The following CPVL variants were observed in gnomAD, a reference collection of about 807,000 sequenced individuals.
The protein encoded by CPVL is carboxypeptidase vitellogenic like.
CPVL carries 51 observed loss-of-function variants against 63.7 expected under a neutral mutation model. The observed-to-expected ratio is 0.80, with a 90% CI of 0.64 to 1.01. The LOEUF (loss-of-function observed/expected upper bound fraction) is 1.01. CPVL is among the 50% of genes least tolerant of loss of function. CPVL has a pLI of 0.00. For missense variants in CPVL, 530 were observed against 573.1 expected (o/e 0.92, Z 0.77); for synonymous variants, 195 against 206.0 (o/e 0.95, Z 0.46).
intron 1 of CPVL, among the ~76,000 whole-genome samples, chr7:29,124,647 C>T (rs999161222): frequency 2.0e-5 from 3 of 151,500 alleles, no homozygotes; most frequent in Non-Finnish European, 4.4e-5. Context: ...TTACTATATA[C>T]CAAAAAGATA....
chr7:29,163,752 G>A (rs1795518397), intron 5 of CPVL, among the ~76,000 whole-genome samples: 1 of 151,978 alleles, frequency 6.6e-6, no homozygotes, highest in Non-Finnish European at 1.5e-5. Flanking sequence ...CTATAGATTA[G>A]CTTGCATTTT....
At chr7:29,190,410 A>ATTT (rs1286362177) in intron 1 of CPVL, among the ~76,000 whole-genome samples, 3 of 152,160 alleles carry the variant, frequency 2.0e-5, no homozygotes, top group African/African-American at 7.2e-5. Flanking sequence ...CTTCACTAAA[A>ATTT]AACACTCCAG....
chr7:29,140,192 C>T (rs940082592), intron 1 of CPVL, among the ~76,000 whole-genome samples: 1 of 152,172 alleles, frequency 6.6e-6, no homozygotes, highest in Non-Finnish European at 1.5e-5. Flanking sequence ...GTAATCCCGG[C>T]ACTTTAGGAG....
chr7:29,028,498 T>C (rs317745), intron 12 of CPVL, among the ~76,000 whole-genome samples: 127,774 of 152,156 alleles, frequency 0.84, 54,353 homozygotes, highest in African/African-American at 0.96. Context: ...AATGGGTCTA[T>C]ATTAAACTAA....
intron 12 of CPVL, among the ~76,000 whole-genome samples, chr7:28,997,580 C>T (rs2128121489): frequency 6.6e-6 from 1 of 152,296 alleles, no homozygotes; most frequent in Middle Eastern, 3.4e-3. Context: ...TTCACATGAG[C>T]ATTGAGATGA....
At chr7:29,142,944 T>C (rs759681279) in intron 1 of CPVL, among the ~76,000 whole-genome samples, 2 of 152,130 alleles carry the variant, frequency 1.3e-5, no homozygotes, top group Non-Finnish European at 2.9e-5. Context: ...CTCCATTCTA[T>C]CCACAGTTCA....
intron 5 of CPVL, among the ~76,000 whole-genome samples, chr7:29,176,792 G>C (rs1480572675): frequency 1.3e-5 from 2 of 152,156 alleles, no homozygotes; most frequent in African/African-American, 4.8e-5. Context: ...TGAAATACTA[G>C]AAGGAAGAGC....
intron 3 of CPVL, among the ~76,000 whole-genome samples, chr7:29,104,448 A>G (rs1177687779): frequency 6.6e-6 from 1 of 152,070 alleles, no homozygotes; most frequent in Non-Finnish European, 1.5e-5. Context: ...TTTATTAGAG[A>G]CGGGGTTGCA....
intron 1 of CPVL, among the ~76,000 whole-genome samples, chr7:29,127,300 A>G (rs1790135792): frequency 6.6e-6 from 1 of 152,222 alleles, no homozygotes; most frequent in Non-Finnish European, 1.5e-5. Context: ...GCCTGTGACT[A>G]AAGGCACCAT....
chr7:29,103,796 T>A (rs1407948803), intron 3 of CPVL, among the ~76,000 whole-genome samples: 1 of 152,234 alleles, frequency 6.6e-6, no homozygotes, highest in Non-Finnish European at 1.5e-5. Flanking sequence ...ATGGCACTGC[T>A]TAAGATGAGA....
chr7:29,098,249 G>A (rs1306121320), intron 3 of CPVL, among the ~76,000 whole-genome samples: 1 of 152,130 alleles, frequency 6.6e-6, no homozygotes, highest in African/African-American at 2.4e-5. Context: ...GGATGCCACC[G>A]CCAAGACCTG....
At chr7:29,050,803 A>AT (rs1562741630) in intron 11 of CPVL, among the ~76,000 whole-genome samples, 3 of 127,764 alleles carry the variant, frequency 2.3e-5, no homozygotes, top group Non-Finnish European at 5.3e-5. Context: ...GAGACTAAGC[A>AT]AAAAAAAAAA....
intron 5 of CPVL, among the ~76,000 whole-genome samples, chr7:29,157,276 A>G (rs191730757): frequency 1.2e-3 from 177 of 148,662 alleles, no homozygotes; most frequent in African/African-American, 4.3e-3. Context: ...TGCTACACCC[A>G]TTGGAACCTG....
intron 5 of CPVL, among the ~76,000 whole-genome samples, chr7:29,157,311 T>A (rs1480328931): frequency 1.4e-5 from 2 of 148,002 alleles, no homozygotes; most frequent in Non-Finnish European, 3.0e-5. Flanking sequence ...TTAATCAACC[T>A]CAAAATTGCA....
At chr7:29,061,969 A>G (rs1302871576) in intron 11 of CPVL, among the ~76,000 whole-genome samples, 2 of 151,290 alleles carry the variant, frequency 1.3e-5, no homozygotes, top group Non-Finnish European at 2.9e-5. Flanking sequence ...AAGTGTGTAC[A>G]GTGAGAAAAT....
chr7:29,181,430 A>G (rs1798039082), intron 4 of CPVL: 1 of 152,230 alleles, frequency 6.6e-6, no homozygotes, highest in Non-Finnish European at 1.5e-5. Context: ...AATAAACAGA[A>G]AGGCACATAT....
At chr7:29,151,423 A>G (rs1793578916), upstream of CPVL, among the ~76,000 whole-genome samples, 1 of 152,186 alleles carries the variant, frequency 6.6e-6, no homozygotes, top group Admixed American at 6.5e-5. Flanking sequence ...CCCTTCGGCT[A>G]TGGAAAAAGC....
intron 1 of CPVL, among the ~76,000 whole-genome samples, chr7:29,134,046 G>A (rs1478530962): frequency 6.6e-6 from 1 of 152,196 alleles, no homozygotes; most frequent in Non-Finnish European, 1.5e-5. Context: ...GACATTTTCA[G>A]TAGAGACACT....
intron 1 of CPVL, chr7:29,191,616 C>T (rs1429592121): frequency 1.3e-5 from 2 of 152,172 alleles, no homozygotes; most frequent in Non-Finnish European, 2.9e-5. Context: ...TTAAGAAGCC[C>T]ACATTATCCA....
Sources: gnomAD v4.1 joint callset for allele counts (sites outside exome capture counted in the v4.1 genomes callset) on GRCh38, gnomAD v4.1.1 for gene constraint, MANE v1.5 for transcripts, NCBI Gene and HGNC (gene_info 2026-07-23, HGNC 2026-07-21) for gene names.